Variants in MAPKAP1 observed in about 807,000 individuals in gnomAD.
MAPKAP1 encodes the protein MAPK associated protein 1, also known as target of rapamycin complex 2 subunit MAPKAP1.
MAPKAP1 carries 20 observed loss-of-function variants against 65.7 expected under a neutral mutation model. The observed-to-expected ratio is 0.30, with a 90% CI of 0.21 to 0.44. The LOEUF (loss-of-function observed/expected upper bound fraction) is 0.44, where lower values mean the gene tolerates loss of function less well. Among genes scored for constraint, MAPKAP1 ranks in the 20% least tolerant of loss-of-function variants. The pLI is 1.00. For missense variants in MAPKAP1, 423 were observed against 648.0 expected (o/e 0.65, Z 3.77); for synonymous variants, 222 against 244.3 (o/e 0.91, Z 0.85).
chr9:125,705,679 G>A lies in MAPKAP1; in HGVS notation c.-70+1292C>T, dbSNP rs183572633. 1.7e-3 allele frequency among the ~76,000 whole-genome samples: 260 copies of A among 152,176 alleles called. 1 individual carries two copies. The highest frequency in any genetic ancestry group is 6.1e-3 in the African/African-American group (252 of 41,496). ...TAAATAATTGTAGATAAAAATGAGC[G>A]CTTATAGAATTCTAGAGGAAAAATC... On this transcript the variant is annotated intron_variant, in intron 1 of 11. Coordinates refer to ENST00000265960, the MANE Select transcript of MAPKAP1 (RefSeq NM_001006617.3).
At chr9:125,565,079 C>A (rs1482976623) in intron 5 of MAPKAP1, among the ~76,000 whole-genome samples, 1 of 152,108 alleles carries the variant, frequency 6.6e-6, no homozygotes, top group Non-Finnish European at 1.5e-5. Context: ...TGGGGGTGTA[C>A]AGGGCAGAAT....
intron 10 of MAPKAP1, among the ~76,000 whole-genome samples, chr9:125,456,461 C>T (rs1216741437): frequency 6.6e-6 from 1 of 152,212 alleles, no homozygotes; most frequent in Non-Finnish European, 1.5e-5. Flanking sequence ...TCTGAAATGG[C>T]TCCCAATGAT....
intron 9 of MAPKAP1, among the ~76,000 whole-genome samples, chr9:125,477,106 G>A (rs1392883574): frequency 6.6e-6 from 1 of 152,162 alleles, no homozygotes; most frequent in Non-Finnish European, 1.5e-5. Context: ...AAGTAACCAT[G>A]GAACCTTTTG....
chr9:125,529,131 ACC>A (rs1829860950), intron 7 of MAPKAP1, among the ~76,000 whole-genome samples: 1 of 146,584 alleles, frequency 6.8e-6, no homozygotes, highest in East Asian at 2.0e-4. Flanking sequence ...CCAAGGTTGC[ACC>A]ATTGCACTCC....
chr9:125,566,096 G>A (rs554641380), intron 5 of MAPKAP1, among the ~76,000 whole-genome samples: 22 of 152,298 alleles, frequency 1.4e-4, no homozygotes, highest in African/African-American at 2.2e-4. Context: ...GGGCCTCCTT[G>A]GCATGGCAAG....
chr9:125,570,606 T>C (rs975789335), intron 5 of MAPKAP1, among the ~76,000 whole-genome samples: 1 of 152,216 alleles, frequency 6.6e-6, no homozygotes, highest in African/African-American at 2.4e-5. Context: ...AACATTATAA[T>C]ATGCAATTGA....
At chr9:125,463,005 C>T (rs1363822734) in intron 10 of MAPKAP1, among the ~76,000 whole-genome samples, 1 of 152,194 alleles carries the variant, frequency 6.6e-6, no homozygotes, top group African/African-American at 2.4e-5. Context: ...AAAGAAAAAG[C>T]CAAGCTCTGG....
intron 8 of MAPKAP1, among the ~76,000 whole-genome samples, chr9:125,489,453 C>G (rs1052170514): frequency 1.4e-4 from 21 of 152,128 alleles, no homozygotes; most frequent in African/African-American, 5.1e-4. Context: ...AACGCTCAAG[C>G]TGCAATAACT....
chr9:125,674,122 T>C (rs1834575374), intron 1 of MAPKAP1, among the ~76,000 whole-genome samples: 1 of 152,034 alleles, frequency 6.6e-6, no homozygotes, highest in Admixed American at 6.5e-5. Flanking sequence ...ACTCGTTAGC[T>C]ATAAGATCTC....
At chr9:125,463,170 C>G (rs762096095) in intron 10 of MAPKAP1, among the ~76,000 whole-genome samples, 1 of 152,240 alleles carries the variant, frequency 6.6e-6, no homozygotes, top group Non-Finnish European at 1.5e-5. Flanking sequence ...TGCCTATTAC[C>G]GCGTTAACAT....
intron 4 of MAPKAP1, among the ~76,000 whole-genome samples, chr9:125,621,821 G>A (rs1832909892): frequency 6.6e-6 from 1 of 152,186 alleles, no homozygotes; most frequent in Non-Finnish European, 1.5e-5. Context: ...TGATGCAAAA[G>A]GGTATCAACT....
intron 1 of MAPKAP1, among the ~76,000 whole-genome samples, chr9:125,704,187 G>A (rs1446520188): frequency 2.0e-5 from 3 of 152,118 alleles, no homozygotes; most frequent in African/African-American, 7.2e-5. Flanking sequence ...GAAGAGTGCC[G>A]ATCTCAGTGT....
chr9:125,701,786 A>C (rs1370211273), intron 1 of MAPKAP1, among the ~76,000 whole-genome samples: 1 of 152,238 alleles, frequency 6.6e-6, no homozygotes. Context: ...TGCTAAGAGC[A>C]CAAAATAGAA....
intron 5 of MAPKAP1, among the ~76,000 whole-genome samples, chr9:125,582,036 T>C (rs960642369): frequency 2.0e-5 from 3 of 152,198 alleles, no homozygotes; most frequent in African/African-American, 7.2e-5. Context: ...TCTCTTTCAT[T>C]CTTTGTACCT....
chr9:125,507,562 TC>T (rs1829178622), intron 7 of MAPKAP1, among the ~76,000 whole-genome samples: 1 of 152,262 alleles, frequency 6.6e-6, no homozygotes, highest in South Asian at 2.1e-4. Context: ...CTTCCCATGT[TC>T]TATGTTCAGC....
intron 4 of MAPKAP1, among the ~76,000 whole-genome samples, chr9:125,587,634 C>A (rs938056622): frequency 6.6e-6 from 1 of 152,084 alleles, no homozygotes; most frequent in East Asian, 1.9e-4. Flanking sequence ...AGTAAAAAGA[C>A]AATCAAAAGA....
intron 1 of MAPKAP1, among the ~76,000 whole-genome samples, chr9:125,698,300 T>TATATA (rs1835474574): frequency 2.5e-4 from 4 of 16,152 alleles, no homozygotes; most frequent in African/African-American, 7.1e-4. Context: ...TATATATATA[T>TATATA]ATATATATAT....
intron 4 of MAPKAP1, among the ~76,000 whole-genome samples, chr9:125,652,840 C>T (rs1358130612): frequency 6.6e-6 from 1 of 152,166 alleles, no homozygotes; most frequent in Admixed American, 6.5e-5. Context: ...CCACTGGACT[C>T]CCTGAACTTC....
chr9:125,519,073 C>A (rs1322651136), intron 7 of MAPKAP1, among the ~76,000 whole-genome samples: 1 of 152,088 alleles, frequency 6.6e-6, no homozygotes, highest in African/African-American at 2.4e-5. Flanking sequence ...TCCAGCTAGA[C>A]CAGACTAGGG....
Sources: gnomAD v4.1 joint callset for allele counts (sites outside exome capture counted in the v4.1 genomes callset) on GRCh38, gnomAD v4.1.1 for gene constraint, MANE v1.5 for transcripts, NCBI Gene and HGNC (gene_info 2026-07-23, HGNC 2026-07-21) for gene names.